The following CFLAR variants were observed in gnomAD, a reference collection of about 807,000 sequenced individuals.
The protein encoded by CFLAR is CASP8 and FADD like apoptosis regulator.
CFLAR carries 14 observed loss-of-function variants against 51.1 expected under a neutral mutation model. That is an observed-to-expected ratio of 0.27 (90% confidence interval 0.18 to 0.43). CFLAR has a LOEUF of 0.43. Ranked by LOEUF, CFLAR falls within the 20% of genes least tolerant of loss-of-function variation. The pLI, the probability that CFLAR is intolerant of heterozygous loss-of-function variation, is 1.00. For synonymous variants in CFLAR, 210 were observed against 211.6 expected, an observed-to-expected ratio of 0.99 and a Z score of 0.06; for missense variants, 390 against 566.5, an observed-to-expected ratio of 0.69 and a Z score of 3.16.
At chr2:201,159,124 C>T (rs535934894) in intron 8 of CFLAR, among the ~76,000 whole-genome samples, 84 of 151,836 alleles carry the variant, frequency 5.5e-4, no homozygotes, top group African/African-American at 2.0e-3. Flanking sequence ...GTGATCTGCC[C>T]GTCTCGGCCT....
chr2:201,126,900 G>A (rs2048767389), intron 1 of CFLAR, among the ~76,000 whole-genome samples: 1 of 152,162 alleles, frequency 6.6e-6, no homozygotes, highest in Non-Finnish European at 1.5e-5. Flanking sequence ...AATAATTGGC[G>A]ATAGTCTCTT....
In CFLAR at chr2:201,164,115, A is replaced by G. The variant is rs1138255; in HGVS notation, c.*142A>G. 5.1e-6 allele frequency: 3 copies of G among 591,046 alleles called. No individual in the cohort carries two copies. Among genetic ancestry groups the G allele is most frequent in the Non-Finnish European group, 5.6e-6 (2 of 355,162 alleles). 36.6% of individuals were successfully genotyped at this position (591,046 alleles called of 1,614,324 possible). The stretch of plus-strand genomic sequence containing the variant: ...CGCTGTCCCTAGTAAAAATACAAAA[A>G]TTAGCTGGGTGTGGGTGTGGGTACC... On this transcript the variant is annotated 3_prime_UTR_variant, in exon 10 of 10. Transcript: ENST00000309955.
intron 7 of CFLAR, 59 bp from the exon 8 acceptor site, chr2:201,149,695 G>C: frequency 7.6e-7 from 1 of 1,312,726 alleles, no homozygotes; most frequent in Non-Finnish European, 1.1e-6. Context: ...ATATGGGTGG[G>C]ACCTTATAGA....
intron 4 of CFLAR, chr2:201,136,496 C>T: frequency 6.3e-7 from 1 of 1,580,542 alleles, no homozygotes; most frequent in Non-Finnish European, 8.6e-7. Flanking sequence ...TCACTTGGGT[C>T]TCATACCTTC....
At chr2:201,140,759 GTATATATA>G (rs750211537) in intron 5 of CFLAR, 2 of 98,078 alleles carry the variant, frequency 2.0e-5, no homozygotes, top group Non-Finnish European at 4.1e-5. Flanking sequence ...CTGTATGTAT[GTATATATA>G]TATATATATA....
chr2:201,135,403 C>CA (rs2125707916), intron 3 of CFLAR, among the ~76,000 whole-genome samples: 2 of 152,298 alleles, frequency 1.3e-5, no homozygotes, highest in African/African-American at 4.8e-5. Flanking sequence ...CGGTCCTTCT[C>CA]AATGACACAA....
At chr2:201,131,704 T>A (rs1254983735) in intron 2 of CFLAR, among the ~76,000 whole-genome samples, 1 of 151,840 alleles carries the variant, frequency 6.6e-6, no homozygotes, top group Non-Finnish European at 1.5e-5. Flanking sequence ...TGTTTTTTTG[T>A]TTGTTTGTTT....
chr2:201,142,907 A>C (rs1939274933), intron 5 of CFLAR: 1 of 152,162 alleles, frequency 6.6e-6, no homozygotes, highest in African/African-American at 2.4e-5. Context: ...CCTAGCATAT[A>C]TTTTTTAAAA....
chr2:201,155,266 G>GTTT (rs879559939), intron 8 of CFLAR, among the ~76,000 whole-genome samples: 2 of 145,320 alleles, frequency 1.4e-5, no homozygotes, highest in African/African-American at 2.5e-5. Flanking sequence ...TTAAGAGGAA[G>GTTT]TTTTTTTTTT....
chr2:201,170,510 C>T lies in CFLAR; in HGVS notation c.*6537C>T, dbSNP rs1943948352. Reference sequence around the variant, plus strand: ...GATAATTCAGCCTAATCCAGTTTGACATCATATAGATAAGTAGTTGAATTA... The same window carrying T: ...GATAATTCAGCCTAATCCAGTTTGATATCATATAGATAAGTAGTTGAATTA... On this transcript the variant is annotated 3_prime_UTR_variant, in exon 10 of 10. Coordinates refer to ENST00000309955, the MANE Select transcript of CFLAR (RefSeq NM_003879.7). 6.6e-6 allele frequency: 1 copy of T among 152,134 alleles called. No homozygotes were observed. Among genetic ancestry groups the T allele is most frequent in the African/African-American group, 2.4e-5 (1 of 41,430 alleles). The allele number at this position is 152,134 out of a possible 1,614,324, so 9.4% of individuals were successfully genotyped here. A position where few individuals can be genotyped will look rare whatever the true frequency, so the allele number is the denominator to read the frequency against.
Position 201,166,487 on chromosome 2 carries a change from G to T in CFLAR, c.*2514G>T. 5.8e-6 allele frequency: 1 copy of T among 172,840 alleles called. No individual in the cohort carries two copies. Among genetic ancestry groups the T allele is most frequent in the Non-Finnish European group, 1.2e-5 (1 of 80,632 alleles). 10.7% of individuals were successfully genotyped at this position (172,840 alleles called of 1,614,324 possible). A position where few individuals can be genotyped will look rare whatever the true frequency, so the allele number is the denominator to read the frequency against. The stretch of plus-strand genomic sequence containing the variant: ...AGCTCCTCACATCCCAGACGGGGGG[G>T]CGGGGCAGAGGCGCTCCCCACATCT... On this transcript the variant is annotated 3_prime_UTR_variant, in exon 10 of 10. Coordinates refer to ENST00000309955, the MANE Select transcript of CFLAR (RefSeq NM_003879.7).
At chr2:201,143,923 C>G (rs1360629573) in intron 5 of CFLAR, among the ~76,000 whole-genome samples, 5 of 151,852 alleles carry the variant, frequency 3.3e-5, no homozygotes, top group African/African-American at 1.2e-4. Context: ...GCACCCCACC[C>G]TGGGTGACAG....
rs769827350 is a variant in CFLAR at position 201,149,026 on chromosome 2, C to G, written c.685C>G (p.Gln229Glu). The G allele has an allele frequency of 2.5e-6, 4 of 1,612,254 alleles. No individual in the cohort carries two copies. Among genetic ancestry groups the G allele is most frequent in the Non-Finnish European group, 3.4e-6 (4 of 1,178,454 alleles). The change falls in exon 7 of 10, where the codon CAG becomes GAG. Residue 229 changes from glutamine (Q) to glutamate (E), a missense_variant. Transcript: ENST00000309955. ...AGAAGAACCAGTGAAGAAATCCATT[C>G]AGGAATCAGAAGCTTTTTTGCCTCA... ...AQQEPVKKSI[Q>E]ESEAFLPQSI...
At chr2:201,140,759 GTATA>G (rs750211537) in intron 5 of CFLAR, 72 of 98,026 alleles carry the variant, frequency 7.3e-4, no homozygotes, top group African/African-American at 3.0e-3. Flanking sequence ...CTGTATGTAT[GTATA>G]TATATATATA....
intron 1 of CFLAR, chr2:201,129,507 A>G (rs1575633560): frequency 2.6e-6 from 1 of 390,476 alleles, no homozygotes; most frequent in African/African-American, 2.1e-5. Context: ...CTGTTGTTTC[A>G]TTTCCTTTAC....
rs958876204 is a variant in CFLAR, at chr2:201,175,607, G to A, written c.*11634G>A. 1.3e-5 allele frequency: 2 copies of A among 152,188 alleles called. No homozygotes were observed. Among genetic ancestry groups the A allele is most frequent in the African/African-American group, 2.4e-5 (1 of 41,436 alleles). The allele number at this position is 152,188 out of a possible 1,614,324, so 9.4% of individuals were successfully genotyped here. A position where few individuals can be genotyped will look rare whatever the true frequency, so the allele number is the denominator to read the frequency against. On this transcript the variant is annotated 3_prime_UTR_variant, in exon 10 of 10. Transcript: ENST00000309955. The stretch of plus-strand genomic sequence containing the variant: ...CCACTGTACTCCAGCCTGGGGAACA[G>A]AGTGAGACCCTGTCTCAAAATAAAA...
chr2:201,117,937 T>C (rs1021127347), intron 1 of CFLAR, among the ~76,000 whole-genome samples: 5 of 151,940 alleles, frequency 3.3e-5, no homozygotes, highest in African/African-American at 1.2e-4. Flanking sequence ...GTATTTTTAA[T>C]AGAGACGGGG....
Position 201,138,070 on chromosome 2 carries a change from A to G in CFLAR, c.523+1963A>G. Reference sequence around the variant, plus strand: ...CAGGCTATCACTTCCTGGTTGATGTAGATGGAGCCGCGCAGTCCATGCCCC... The same window carrying G: ...CAGGCTATCACTTCCTGGTTGATGTGGATGGAGCCGCGCAGTCCATGCCCC... On this transcript the variant is annotated intron_variant, in intron 4 of 9. Transcript: ENST00000309955. The surrounding 1 kb of genome is among the most constrained non-coding windows in gnomAD (Gnocchi z 4.0). The G allele has an allele frequency of 2.7e-6, 2 of 728,978 alleles. No individual in the cohort carries two copies. Among genetic ancestry groups the G allele is most frequent in the Middle Eastern group, 3.8e-4 (1 of 2,656 alleles). The allele number at this position is 728,978 out of a possible 1,614,324, so 45.2% of individuals were successfully genotyped here. A position where few individuals can be genotyped will look rare whatever the true frequency, so the allele number is the denominator to read the frequency against.
intron 7 of CFLAR, chr2:201,149,429 T>A (rs1413719916): frequency 1.3e-5 from 4 of 297,946 alleles, no homozygotes; most frequent in African/African-American, 4.4e-5. Flanking sequence ...ATGCCACTTA[T>A]ATAACTTCAG....
Sources: gnomAD v4.1 joint callset for allele counts (sites outside exome capture counted in the v4.1 genomes callset) on GRCh38, gnomAD v4.1.1 for gene constraint, Gnocchi (gnomAD v3.1) non-coding constraint, MANE v1.5 for transcripts, NCBI Gene and HGNC (gene_info 2026-07-23, HGNC 2026-07-21) for gene names.